Variants in COL5A1 observed in about 807,000 individuals in gnomAD.
COL5A1 encodes collagen alpha-1(V) chain.
A neutral mutation model predicts 263.7 loss-of-function variants in COL5A1; 16 were observed. The ratio of observed to expected loss-of-function variants is 0.06; its 90% CI spans 0.04 to 0.09. The LOEUF (loss-of-function observed/expected upper bound fraction) is 0.09. Among genes scored for constraint, COL5A1 ranks in the 10% least tolerant of loss-of-function variants. The pLI, the probability that COL5A1 is intolerant of heterozygous loss-of-function variation, is 1.00. For synonymous variants in COL5A1, 1,012 were observed against 1,004.5 expected (o/e 1.01, Z -0.14); for missense variants, 2,036 against 2,540.5 (o/e 0.80, Z 4.27).
intron 27 of COL5A1, among the ~76,000 whole-genome samples, chr9:134,778,988 G>A (rs2132757683): frequency 6.6e-6 from 1 of 152,354 alleles, no homozygotes; most frequent in African/African-American, 2.4e-5. Context: ...GCTCCTCCGT[G>A]TCTCCATCCC....
chr9:134,822,717 T>TCCCCCC (rs1839059189), intron 59 of COL5A1, among the ~76,000 whole-genome samples: 1 of 100,672 alleles, frequency 9.9e-6, no homozygotes, highest in African/African-American at 5.5e-5. Flanking sequence ...TCTTTTCCGC[T>TCCCCCC]GCGCCCCCCC....
At chr9:134,764,859 T>C (rs1836599407) in intron 20 of COL5A1, among the ~76,000 whole-genome samples, 1 of 152,178 alleles carries the variant, frequency 6.6e-6, no homozygotes, top group Admixed American at 6.5e-5. Flanking sequence ...TTGCTATAAC[T>C]AGGTATTAAA....
chr9:134,805,667 A>G (rs1013657011), intron 41 of COL5A1, among the ~76,000 whole-genome samples: 4 of 152,122 alleles, frequency 2.6e-5, no homozygotes, highest in Admixed American at 2.0e-4. Flanking sequence ...GTACCCACCC[A>G]TCCATATGCC....
rs397951217 is a variant in COL5A1 at position 134,800,749 on chromosome 9, C to CAAAAAAA, written c.2953-1187_2953-1181dup. ...AACAGGAGTGAAACTCTGTCTCAAA[C>CAAAAAAA]AAAAAAAAAAAAAAAAAAAAAAAAG... On this transcript the variant is annotated intron_variant, in intron 37 of 65. Transcript: ENST00000371817. Among the ~76,000 whole-genome samples the CAAAAAAA allele has an allele frequency of 2.3e-3, 187 of 81,516 alleles. 6 individuals carry two copies. Among genetic ancestry groups the CAAAAAAA allele is most frequent in the Middle Eastern group, 0.011 (1 of 88 alleles). 53.5% of individuals were successfully genotyped at this position (81,516 alleles called of 152,430 possible). A position where few individuals can be genotyped will look rare whatever the true frequency, so the allele number is the denominator to read the frequency against.
intron 52 of COL5A1, among the ~76,000 whole-genome samples, 158 bp from the exon 53 acceptor site, chr9:134,816,868 G>A (rs1312975263): frequency 3.9e-5 from 6 of 152,236 alleles, no homozygotes; most frequent in Non-Finnish European, 5.9e-5. Context: ...GCCCGGGTGC[G>A]ACACTGTCTT....
rs534491112 is a variant in COL5A1, at chr9:134,686,876, A to G, written c.110-4036A>G. Among the ~76,000 whole-genome samples, 2 of 152,118 alleles carry G rather than the reference A, an allele frequency of 1.3e-5. No individual in the cohort carries two copies. Among genetic ancestry groups the G allele is most frequent in the African/African-American group, 2.4e-5 (1 of 41,418 alleles). On this transcript the variant is annotated intron_variant, in intron 1 of 65. Coordinates refer to ENST00000371817, the MANE Select transcript of COL5A1 (RefSeq NM_000093.5). This position sits in a 1 kb window ranked among gnomAD's most constrained non-coding sequence, Gnocchi z 4.6. ...TGGCCTTGTGCTGGGCCCATGTCCC[A>G]TAGGTGGTTCCAGGGAGGCTCCTGG... is the stretch of plus-strand genomic sequence containing the variant.
intron 9 of COL5A1, among the ~76,000 whole-genome samples, chr9:134,738,263 G>T (rs772850976): frequency 6.6e-6 from 1 of 152,192 alleles, no homozygotes; most frequent in African/African-American, 2.4e-5. Context: ...CCGCTGGCCC[G>T]GGTTGCTCTT....
At chr9:134,820,325 C>G (rs73561955) in intron 58 of COL5A1, 102 bp downstream of exon 58, 2 of 885,104 alleles carry the variant, frequency 2.3e-6, no homozygotes, top group Non-Finnish European at 3.7e-6. Context: ...CCCGGAAGGA[C>G]GTCCACACGT....
intron 4 of COL5A1, among the ~76,000 whole-genome samples, chr9:134,712,440 C>A (rs1834094714): frequency 8.3e-6 from 1 of 120,484 alleles, no homozygotes; most frequent in South Asian, 3.6e-4. Context: ...TGTTCCCCCT[C>A]CTTCTTATTC....
At chr9:134,708,974 C>G (rs557290476) in intron 4 of COL5A1, 3 of 456,524 alleles carry the variant, frequency 6.6e-6, no homozygotes, top group Non-Finnish European at 1.3e-5. Flanking sequence ...CTCTCTTCCC[C>G]CTGTGTCTCT....
At chr9:134,800,210 C>T (rs924149782) in intron 37 of COL5A1, among the ~76,000 whole-genome samples, 7 of 152,206 alleles carry the variant, frequency 4.6e-5, no homozygotes, top group African/African-American at 1.7e-4. Flanking sequence ...TGGCCGAGGG[C>T]CCTGGGGAGG....
intron 20 of COL5A1, among the ~76,000 whole-genome samples, chr9:134,764,441 C>T (rs1373358243): frequency 6.6e-6 from 1 of 151,874 alleles, no homozygotes; most frequent in African/African-American, 2.4e-5. Context: ...CCTGAATCAG[C>T]CCGAGCTTGG....
At chr9:134,809,968 T>C (rs1437869564) in intron 43 of COL5A1, among the ~76,000 whole-genome samples, 2 of 152,226 alleles carry the variant, frequency 1.3e-5, no homozygotes, top group Non-Finnish European at 2.9e-5. Context: ...GTTGTCATGG[T>C]AGTGGCCCAA....
At position 134,682,404 on chromosome 9, in the gene COL5A1, A is replaced by G. The variant is rs1832889410; in HGVS notation, c.110-8508A>G. 6.6e-6 allele frequency among the ~76,000 whole-genome samples: 1 copy of G among 152,186 alleles called. No individual in the cohort carries two copies. The highest frequency in any genetic ancestry group is 1.5e-5 in the Non-Finnish European group (1 of 68,012). The stretch of plus-strand genomic sequence containing the variant: ...GGGACTGTGCGGGTGAACATGGGGC[A>G]GAGAGATCGGGCTGGGCCAGCACAC... On this transcript the variant is annotated intron_variant, in intron 1 of 65. Coordinates refer to ENST00000371817, the MANE Select transcript of COL5A1 (RefSeq NM_000093.5). This position sits in a 1 kb window ranked among gnomAD's most constrained non-coding sequence, Gnocchi z 5.1.
chr9:134,767,691 G>T (rs1836727083), intron 24 of COL5A1, among the ~76,000 whole-genome samples: 1 of 152,230 alleles, frequency 6.6e-6, no homozygotes, highest in Non-Finnish European at 1.5e-5. Context: ...TTTTGTTGTT[G>T]TTTATTTTGG....
intron 65 of COL5A1, among the ~76,000 whole-genome samples, chr9:134,838,484 G>GC (rs1397884647): frequency 6.6e-6 from 1 of 152,214 alleles, no homozygotes; most frequent in East Asian, 1.9e-4. Context: ...AAGTGCAGCT[G>GC]CCGTCCAGAC....
At chr9:134,760,166 T>TACATGCACACAC (rs1836277852) in intron 18 of COL5A1, among the ~76,000 whole-genome samples, 1 of 65,106 alleles carries the variant, frequency 1.5e-5, no homozygotes, top group Non-Finnish European at 2.8e-5. Context: ...TGCACACACA[T>TACATGCACACAC]ACATGCACAC....
Position 134,696,078 on chromosome 9 carries a change from C to G in COL5A1, c.278-3831C>G, listed in dbSNP as rs546456838. Among the ~76,000 whole-genome samples, 1 of 152,154 alleles carries G rather than the reference C, an allele frequency of 6.6e-6. No homozygotes were observed. The highest frequency in any genetic ancestry group is 2.4e-5 in the African/African-American group (1 of 41,436). ...CCTCAGCCGCCCCCCAGGTTCCTGG[C>G]CCCCTGTCCAAAGTTAGCCACACCC... On this transcript the variant is annotated intron_variant, in intron 2 of 65. Coordinates refer to ENST00000371817, the MANE Select transcript of COL5A1 (RefSeq NM_000093.5). The surrounding 1 kb of genome is among the most constrained non-coding windows in gnomAD (Gnocchi z 4.3).
intron 9 of COL5A1, 72 bp from the exon 10 acceptor site, chr9:134,738,402 C>G: frequency 6.4e-7 from 1 of 1,573,834 alleles, no homozygotes; most frequent in South Asian, 1.1e-5. Context: ...TGAAGGCCGT[C>G]CACACCACTG....
Sources: gnomAD v4.1 joint callset for allele counts (sites outside exome capture counted in the v4.1 genomes callset) on GRCh38, gnomAD v4.1.1 for gene constraint, Gnocchi (gnomAD v3.1) non-coding constraint, MANE v1.5 for transcripts, NCBI Gene and HGNC (gene_info 2026-07-23, HGNC 2026-07-21) for gene names.